The following FGF14 variants were observed in gnomAD, a reference collection of about 807,000 sequenced individuals.
The protein encoded by FGF14 is fibroblast growth factor homologous factor 4.
FGF14 carries 5 observed loss-of-function variants against 25.5 expected under a neutral mutation model. The ratio of observed to expected loss-of-function variants is 0.20; its 90% CI spans 0.10 to 0.41. The LOEUF (loss-of-function observed/expected upper bound fraction) is 0.41, where lower values mean the gene tolerates loss of function less well. Ranked by LOEUF, FGF14 falls within the 10% of genes least tolerant of loss-of-function variation. The pLI is 1.00. For missense variants in FGF14, 222 were observed against 320.1 expected (o/e 0.69, Z 2.34); for synonymous variants, 138 against 118.3 (o/e 1.17, Z -1.08).
At chr13:102,340,820 G>A (rs1234004952) in intron 1 of FGF14, among the ~76,000 whole-genome samples, 1 of 152,096 alleles carries the variant, frequency 6.6e-6, no homozygotes, top group Non-Finnish European at 1.5e-5. Context: ...GTAATAAAAT[G>A]GCAATCAGAT....
chr13:102,004,598 T>C (rs9582543), intron 1 of FGF14, among the ~76,000 whole-genome samples: 5,071 of 152,280 alleles, frequency 0.033, 257 homozygotes, highest in African/African-American at 0.12. Context: ...TGATTGGAAC[T>C]GGATGTGAGG....
At chr13:101,756,014 C>T (rs551706860) in intron 3 of FGF14, among the ~76,000 whole-genome samples, 14 of 152,146 alleles carry the variant, frequency 9.2e-5, no homozygotes, top group African/African-American at 3.4e-4. Context: ...GTAGCTCTTC[C>T]CAATTCTATA....
intron 1 of FGF14, among the ~76,000 whole-genome samples, chr13:102,022,300 T>C (rs2040700670): frequency 6.6e-6 from 1 of 152,008 alleles, no homozygotes; most frequent in African/African-American, 2.4e-5. Context: ...TCTCTTTAAA[T>C]GAAAATGAGA....
intron 3 of FGF14, among the ~76,000 whole-genome samples, chr13:101,804,484 C>T (rs1160092971): frequency 1.3e-5 from 2 of 152,156 alleles, no homozygotes; most frequent in African/African-American, 4.8e-5. Context: ...AGTTATCCTG[C>T]ATGCTGCACA....
At chr13:102,388,872 T>C (rs1490028283) in intron 1 of FGF14, among the ~76,000 whole-genome samples, 1 of 152,150 alleles carries the variant, frequency 6.6e-6, no homozygotes, top group Non-Finnish European at 1.5e-5. Context: ...ACATCCCAGC[T>C]AATTCCTCTA....
chr13:102,300,839 G>A (rs977837990), intron 1 of FGF14, among the ~76,000 whole-genome samples: 1 of 151,344 alleles, frequency 6.6e-6, no homozygotes. Flanking sequence ...GGGATCTTTT[G>A]CCCATCACAG....
intron 1 of FGF14, among the ~76,000 whole-genome samples, chr13:102,065,191 T>C (rs568436444): frequency 1.3e-5 from 2 of 152,240 alleles, no homozygotes; most frequent in Non-Finnish European, 2.9e-5. Flanking sequence ...AAGGAAGCTG[T>C]ACTTCTAGAA....
chr13:102,095,934 C>CTTCAT (rs2044373184), intron 1 of FGF14, among the ~76,000 whole-genome samples: 1 of 150,904 alleles, frequency 6.6e-6, no homozygotes, highest in African/African-American at 2.4e-5. Flanking sequence ...CACCCCAAAC[C>CTTCAT]TTCATGTTGT....
intron 3 of FGF14, among the ~76,000 whole-genome samples, chr13:101,795,744 A>T (rs913462): frequency 6.6e-6 from 1 of 151,966 alleles, no homozygotes; most frequent in Admixed American, 6.6e-5. Context: ...CTTAGGATGC[A>T]CACACAATCA....
At chr13:101,975,934 G>A (rs925625022) in intron 1 of FGF14, among the ~76,000 whole-genome samples, 8 of 152,192 alleles carry the variant, frequency 5.3e-5, no homozygotes, top group South Asian at 2.1e-4. Context: ...CAAGAGGGCC[G>A]TTGGGCCTAC....
At chr13:101,783,891 C>T (rs960166110) in intron 3 of FGF14, among the ~76,000 whole-genome samples, 1 of 152,196 alleles carries the variant, frequency 6.6e-6, no homozygotes, top group Non-Finnish European at 1.5e-5. Context: ...TAATCTTCTG[C>T]ATATGGCTAG....
At chr13:102,128,802 G>A (rs938754382) in intron 1 of FGF14, among the ~76,000 whole-genome samples, 1 of 152,146 alleles carries the variant, frequency 6.6e-6, no homozygotes, top group Non-Finnish European at 1.5e-5. Context: ...TAAAAATTAG[G>A]CTGGGCAAGG....
At chr13:102,063,503 C>G (rs1311507971) in intron 1 of FGF14, among the ~76,000 whole-genome samples, 1 of 151,838 alleles carries the variant, frequency 6.6e-6, no homozygotes, top group Non-Finnish European at 1.5e-5. Context: ...GTAATCTCAG[C>G]TACTTGGGAG....
At chr13:101,757,313 A>C (rs2037729888) in intron 3 of FGF14, among the ~76,000 whole-genome samples, 1 of 152,002 alleles carries the variant, frequency 6.6e-6, no homozygotes, top group African/African-American at 2.4e-5. Context: ...ATTTTCTCAT[A>C]TGTTTAGTTG....
At chr13:101,993,470 T>A (rs911237580) in intron 1 of FGF14, among the ~76,000 whole-genome samples, 3 of 152,016 alleles carry the variant, frequency 2.0e-5, no homozygotes, top group African/African-American at 4.8e-5. Context: ...CTTTAACAGA[T>A]AACAGATTTT....
intron 1 of FGF14, among the ~76,000 whole-genome samples, chr13:102,079,691 G>C (rs1181742137): frequency 6.6e-6 from 1 of 152,080 alleles, no homozygotes; most frequent in Non-Finnish European, 1.5e-5. Flanking sequence ...CGTTCTTCAG[G>C]GAGGAAACCG....
chr13:101,771,827 A>C (rs1416431798), intron 3 of FGF14, among the ~76,000 whole-genome samples: 1 of 152,000 alleles, frequency 6.6e-6, no homozygotes, highest in Non-Finnish European at 1.5e-5. Context: ...AAATATACAT[A>C]CTTTAAAGGA....
chr13:102,185,331 A>G (rs1317003712), intron 1 of FGF14, among the ~76,000 whole-genome samples: 1 of 152,184 alleles, frequency 6.6e-6, no homozygotes, highest in Non-Finnish European at 1.5e-5. Context: ...CAGGAAAACG[A>G]TATTTTTATT....
rs535697820 is a variant in FGF14 at position 102,002,553 on chromosome 13, C to A, written c.209-127257G>T. The stretch of plus-strand genomic sequence containing the variant: ...TGAGAGCTCTGAATGCTGTCCAACC[C>A]AAATGGAATGTGCAGCCTACCAAAA... On this transcript the variant is annotated intron_variant, in intron 1 of 4. Transcript: ENST00000376131. 22 of 167,294 alleles carry A rather than the reference C, an allele frequency of 1.3e-4. 1 individual carries two copies. In the South Asian group the frequency reaches 3.4e-3, roughly 26 times the overall value. 10.4% of individuals were successfully genotyped at this position (167,294 alleles called of 1,614,324 possible).
Sources: gnomAD v4.1 joint callset for allele counts (sites outside exome capture counted in the v4.1 genomes callset) on GRCh38, gnomAD v4.1.1 for gene constraint, MANE v1.5 for transcripts, NCBI Gene and HGNC (gene_info 2026-07-23, HGNC 2026-07-21) for gene names.